UBR3: variants seen among roughly 807,000 people sequenced by gnomAD.
UBR3 encodes the protein E3 ubiquitin-protein ligase UBR3.
In UBR3, 85 loss-of-function variants were observed where a neutral mutation model predicts 243.2. The observed-to-expected ratio is 0.35, with a 90% CI of 0.29 to 0.42. The LOEUF (loss-of-function observed/expected upper bound fraction) is 0.42, where lower values mean the gene tolerates loss of function less well. Among genes scored for constraint, UBR3 ranks in the 10% least tolerant of loss-of-function variants. The pLI, the probability that UBR3 is intolerant of heterozygous loss-of-function variation, is 1.00. For synonymous variants in UBR3, 748 were observed against 799.8 expected, an observed-to-expected ratio of 0.94 and a Z score of 1.09; for missense variants, 1,686 against 2,300.8, an observed-to-expected ratio of 0.73 and a Z score of 5.47.
At chr2:170,006,814 A>G (rs16857406) in intron 27 of UBR3, among the ~76,000 whole-genome samples, 176 bp from the exon 28 acceptor site, 7,915 of 152,276 alleles carry the variant, frequency 0.052, 390 homozygotes, top group African/African-American at 0.13. Context: ...CTATGATGTA[A>G]GAAGTGATTT....
intron 1 of UBR3, among the ~76,000 whole-genome samples, chr2:169,830,506 G>A (rs910452108): frequency 2.0e-5 from 3 of 152,144 alleles, no homozygotes; most frequent in African/African-American, 7.2e-5. Context: ...GTAGGGCAGA[G>A]TTAAAAACCT....
Position 169,949,843 on chromosome 2 carries a change from A to G in UBR3, c.3323A>G (p.Tyr1108Cys), listed in dbSNP as rs746968218. Residue 1108 changes from tyrosine to cysteine, a missense_variant, in exon 23 of 39, where the codon TAT becomes TGT. This residue lies in a region of UBR3 where 300 missense variants were observed against 314.4 expected (regional missense o/e 0.95). Transcript: ENST00000272793. ...HKLSGKQNSY[Y>C]PPWLDDIEIL... is the part of the protein sequence containing the mutation. ...CTCTCAGGAAAACAAAACTCCTACT[A>G]TCCTCCTTGGCTTGATGACATAGAA... 13 of 1,573,712 alleles carry G rather than the reference A, an allele frequency of 8.3e-6. No individual in the cohort carries two copies. The highest frequency in any genetic ancestry group is 1.3e-5 in the African/African-American group (1 of 74,104).
chr2:169,852,883 A>AAAAAAAAAAAAAAAAAAAAAAAAAAC (rs1491293579), intron 1 of UBR3, among the ~76,000 whole-genome samples: 3 of 59,730 alleles, frequency 5.0e-5, no homozygotes, highest in South Asian at 5.4e-4. Flanking sequence ...AAAAAACAAA[A>AAAAAAAAAAAAAAAAAAAAAAAAAAC]CCAAACAAAT....
chr2:170,068,700 G>A (rs1472527902), intron 35 of UBR3, among the ~76,000 whole-genome samples: 3 of 151,968 alleles, frequency 2.0e-5, no homozygotes, highest in Non-Finnish European at 4.4e-5. Context: ...GTAAAACCCA[G>A]ATGACAGGAG....
intron 24 of UBR3, among the ~76,000 whole-genome samples, chr2:169,982,553 T>C (rs777131124): frequency 6.6e-6 from 1 of 152,108 alleles, no homozygotes; most frequent in Non-Finnish European, 1.5e-5. Context: ...CTTTTCACTC[T>C]GATGATGTTA....
chr2:169,897,964 G>A lies in UBR3; in HGVS notation c.1465+1229G>A, dbSNP rs536040060. 2.6e-5 allele frequency among the ~76,000 whole-genome samples: 4 copies of A among 152,088 alleles called. No homozygotes were observed. In the South Asian group the frequency reaches 8.3e-4, roughly 32 times the overall value. On this transcript the variant is annotated intron_variant, in intron 8 of 38. Coordinates refer to ENST00000272793, the MANE Select transcript of UBR3 (RefSeq NM_172070.4). ...GAGGCTTAGGAAAGTTAAGCAATTT[G>A]CCATAGGTTATACAGCCAGCAAATG...
At chr2:169,863,758 C>T (rs1255478066) in intron 1 of UBR3, among the ~76,000 whole-genome samples, 8 of 152,090 alleles carry the variant, frequency 5.3e-5, no homozygotes, top group Admixed American at 5.2e-4. Flanking sequence ...TACCTGTAGC[C>T]GTAGTTCATT....
chr2:170,029,983 A>G (rs2090627165), intron 31 of UBR3, among the ~76,000 whole-genome samples: 2 of 152,126 alleles, frequency 1.3e-5, no homozygotes, highest in South Asian at 4.1e-4. Context: ...AATACTTGAT[A>G]CTTTTCTGAT....
chr2:169,840,018 A>G (rs1000343161), intron 1 of UBR3, among the ~76,000 whole-genome samples: 1 of 152,094 alleles, frequency 6.6e-6, no homozygotes, highest in Non-Finnish European at 1.5e-5. Flanking sequence ...TCAGGGTGGG[A>G]GGCTTGGACT....
chr2:169,954,385 T>G (rs1251182056), intron 23 of UBR3, among the ~76,000 whole-genome samples: 1 of 151,580 alleles, frequency 6.6e-6, no homozygotes, highest in Non-Finnish European at 1.5e-5. Context: ...GGACTACAGG[T>G]GTGTGCCACC....
rs114980169 is a variant in UBR3, at chr2:169,866,281, G to A, written c.546-5955G>A. On this transcript the variant is annotated intron_variant, in intron 1 of 38. Coordinates refer to ENST00000272793, the MANE Select transcript of UBR3 (RefSeq NM_172070.4). The stretch of plus-strand genomic sequence containing the variant: ...CAAAAAAAAAAAAAAAGCAAAAAAA[G>A]CTTTTATGGAAATACAGCTTTTAAA... 8.9e-3 allele frequency among the ~76,000 whole-genome samples: 1,241 copies of A among 139,576 alleles called. 24 individuals carry two copies. Among genetic ancestry groups the A allele is most frequent in the African/African-American group, 0.031 (1,157 of 37,028 alleles). 91.6% of individuals were successfully genotyped at this position (139,576 alleles called of 152,430 possible).
Position 170,083,951 on chromosome 2 carries a change from T to TA in UBR3, c.*2109dup. On this transcript the variant is annotated 3_prime_UTR_variant, in exon 39 of 39. Coordinates refer to ENST00000272793, the MANE Select transcript of UBR3 (RefSeq NM_172070.4). ...CCAAGTTAGAGTGATGTGTGTATAT[T>TA]ATTCAAAAAAATGTACTGGTGTGAT... is the stretch of plus-strand genomic sequence containing the variant. The TA allele has an allele frequency of 6.5e-6, 1 of 152,722 alleles. No homozygotes were observed. Among genetic ancestry groups the TA allele is most frequent in the Admixed American group, 6.5e-5 (1 of 15,300 alleles). 9.5% of individuals were successfully genotyped at this position (152,722 alleles called of 1,614,324 possible). A position where few individuals can be genotyped will look rare whatever the true frequency, so the allele number is the denominator to read the frequency against.
intron 32 of UBR3, among the ~76,000 whole-genome samples, chr2:170,045,147 G>GAAGGCAA (rs1472928997): frequency 6.6e-6 from 1 of 152,112 alleles, no homozygotes; most frequent in Non-Finnish European, 1.5e-5. Flanking sequence ...AATCATGGCA[G>GAAGGCAA]AAGGCAAAAG....
intron 27 of UBR3, among the ~76,000 whole-genome samples, chr2:170,004,788 G>A (rs1320498735): frequency 3.9e-5 from 6 of 152,272 alleles, no homozygotes; most frequent in Non-Finnish European, 7.4e-5. Flanking sequence ...GCGAGTGCCT[G>A]TAATCCCACC....
At chr2:169,830,670 T>A (rs1239647344) in intron 1 of UBR3, among the ~76,000 whole-genome samples, 5 of 151,904 alleles carry the variant, frequency 3.3e-5, no homozygotes, top group Non-Finnish European at 5.9e-5. Context: ...TTTTCCTTAA[T>A]ATGCTATTCT....
At chr2:170,009,990 T>A (rs2090036600) in intron 29 of UBR3, among the ~76,000 whole-genome samples, 1 of 152,154 alleles carries the variant, frequency 6.6e-6, no homozygotes, top group Non-Finnish European at 1.5e-5. Context: ...TTTAGAATAA[T>A]TGCAGCAAGC....
At chr2:170,067,904 G>T in intron 35 of UBR3, among the ~76,000 whole-genome samples, 1 of 151,744 alleles carries the variant, frequency 6.6e-6, no homozygotes, top group East Asian at 1.9e-4. Flanking sequence ...GAATAGCTGG[G>T]ATTACAGGTG....
chr2:169,898,392 A>G (rs1042540008), intron 8 of UBR3, among the ~76,000 whole-genome samples: 3 of 152,206 alleles, frequency 2.0e-5, no homozygotes, highest in Non-Finnish European at 4.4e-5. Flanking sequence ...GTACTCAACT[A>G]TATGCTAGAC....
chr2:170,048,230 C>G (rs938508258), intron 32 of UBR3, among the ~76,000 whole-genome samples: 36 of 152,264 alleles, frequency 2.4e-4, no homozygotes, highest in African/African-American at 8.4e-4. Flanking sequence ...TCCCCTGTCC[C>G]TCTTTGCAAT....
Sources: allele counts gnomAD v4.1 joint callset (sites outside exome capture counted in the v4.1 genomes callset), GRCh38; gene constraint gnomAD v4.1.1; regional missense constraint gnomAD v4.1.1; transcripts MANE v1.5; gene names NCBI Gene and HGNC (gene_info 2026-07-23, HGNC 2026-07-21).